The following KIN variants were observed in gnomAD, a reference collection of about 807,000 sequenced individuals.
KIN encodes DNA/RNA-binding protein KIN17.
A neutral mutation model predicts 63.0 loss-of-function variants in KIN; 47 were observed. The ratio of observed to expected loss-of-function variants is 0.75; its 90% confidence interval spans 0.59 to 0.95. The LOEUF is 0.95. Ranked by LOEUF, KIN falls within the 40% of genes least tolerant of loss-of-function variation. The probability of loss-of-function intolerance (pLI) is 0.00; values close to 1 mark genes in which losing one functional copy is unlikely to be tolerated. For synonymous variants in KIN, 160 were observed against 157.7 expected (o/e 1.01, Z -0.11); for missense variants, 408 against 460.9 (o/e 0.89, Z 1.05).
At chr10:7,757,736 A>AT (rs1564313249) in intron 12 of KIN, among the ~76,000 whole-genome samples, 7 of 152,006 alleles carry the variant, frequency 4.6e-5, no homozygotes, top group Non-Finnish European at 8.8e-5. Context: ...CCTAGGTTAG[A>AT]TTTTTCATTA....
chr10:7,780,580 G>A (rs956810274), intron 2 of KIN, among the ~76,000 whole-genome samples: 8 of 152,106 alleles, frequency 5.3e-5, no homozygotes, highest in East Asian at 1.9e-4. Flanking sequence ...CGTATTTTTC[G>A]TAGGGATGGG....
chr10:7,762,502 G>C lies in KIN; in HGVS notation c.973C>G (p.Leu325Val), dbSNP rs1336417828. 1 of 1,612,468 alleles carries C rather than the reference G, an allele frequency of 6.2e-7. No individual in the cohort carries two copies. The highest frequency in any genetic ancestry group is 2.2e-5 in the East Asian group (1 of 44,848). Residue 325 changes from leucine to valine, a missense_variant, in exon 11 of 13, where the codon CTG (leucine) becomes GTG (valine). Around this residue, in one of 2 missense-constraint regions of KIN, gnomAD observed 298 missense variants for 296.0 expected, o/e 1.01. Coordinates refer to ENST00000379562, the MANE Select transcript of KIN (RefSeq NM_012311.4). ...TCTAAATGAGTCTGGTCAAGTTTCA[G>C]CTTGTCTCCAGAATCAATCATCTTC... is the stretch of plus-strand genomic sequence containing the variant. ...VVKMIDSGDKLKLDQTHLETV... is the reference protein window; with the variant it reads ...VVKMIDSGDKVKLDQTHLETV...
chr10:7,776,653 C>A (rs1402913874), intron 5 of KIN, among the ~76,000 whole-genome samples: 1 of 150,648 alleles, frequency 6.6e-6, no homozygotes, highest in South Asian at 2.1e-4. Flanking sequence ...ATTGCTTGAA[C>A]CTGGGAGGCG....
At chr10:7,756,305 T>A (rs1440205635) in intron 12 of KIN, among the ~76,000 whole-genome samples, 163 bp from the exon 13 acceptor site, 1 of 152,240 alleles carries the variant, frequency 6.6e-6, no homozygotes, top group East Asian at 1.9e-4. Context: ...GAATAATCTA[T>A]GGCATTCTCA....
At chr10:7,761,754 C>A (rs371323504) in intron 11 of KIN, among the ~76,000 whole-genome samples, 233 of 152,242 alleles carry the variant, frequency 1.5e-3, no homozygotes, top group African/African-American at 5.4e-3. Flanking sequence ...GTAATTCCAG[C>A]CCTTTGGGAG....
At chr10:7,760,551 C>G (rs1835418101) in intron 11 of KIN, among the ~76,000 whole-genome samples, 1 of 152,116 alleles carries the variant, frequency 6.6e-6, no homozygotes, top group Non-Finnish European at 1.5e-5. Flanking sequence ...CAGTAGTCCC[C>G]CCTTATCCCA....
At chr10:7,773,071 G>C (rs1325399877) in intron 7 of KIN, among the ~76,000 whole-genome samples, 1 of 152,188 alleles carries the variant, frequency 6.6e-6, no homozygotes. Context: ...AGAGACATTT[G>C]AAGATGCTCG....
intron 4 of KIN, 141 bp from the exon 5 acceptor site, chr10:7,779,160 C>T: frequency 1.1e-6 from 1 of 947,606 alleles, no homozygotes; most frequent in Non-Finnish European, 1.5e-6. Context: ...GTAATCTCAG[C>T]ACTTTAGGAG....
rs534704141 is a variant in KIN, at chr10:7,769,840, G to A, written c.669-495C>T. On this transcript the variant is annotated intron_variant, in intron 7 of 12. Coordinates refer to ENST00000379562, the MANE Select transcript of KIN (RefSeq NM_012311.4). ...TTTTCAAATGACCGGTTTAAGTCTA[G>A]CACGTTACTCTCAGTTCTGGTTTTG... Among the ~76,000 whole-genome samples the A allele has an allele frequency of 5.4e-4, 82 of 152,288 alleles. 1 individual carries two copies. Among genetic ancestry groups the A allele is most frequent in the African/African-American group, 2.0e-3 (82 of 41,552 alleles).
intron 7 of KIN, among the ~76,000 whole-genome samples, chr10:7,771,801 A>C (rs144845057): frequency 0.01 from 1,588 of 151,808 alleles, 23 homozygotes; most frequent in African/African-American, 0.037. Flanking sequence ...AGGCCGAGGC[A>C]GGAGAATCGC....
At chr10:7,786,960 G>C (rs1169116299) in intron 1 of KIN, among the ~76,000 whole-genome samples, 2 of 152,140 alleles carry the variant, frequency 1.3e-5, no homozygotes, top group Non-Finnish European at 2.9e-5. Context: ...TTGCCTCAGT[G>C]TTCTTCCACC....
chr10:7,783,496 C>T (rs569599881), intron 1 of KIN, among the ~76,000 whole-genome samples: 55 of 152,304 alleles, frequency 3.6e-4, no homozygotes, highest in Admixed American at 2.0e-3. Flanking sequence ...AATCAATTCT[C>T]ATTGAGCACA....
At chr10:7,781,296 T>C (rs1027079309) in intron 2 of KIN, among the ~76,000 whole-genome samples, 2 of 152,086 alleles carry the variant, frequency 1.3e-5, no homozygotes, top group African/African-American at 2.4e-5. Context: ...CTAATTTGAC[T>C]AAAATTTATG....
At chr10:7,782,651 C>T (rs895957048) in intron 2 of KIN, among the ~76,000 whole-genome samples, 3 of 152,116 alleles carry the variant, frequency 2.0e-5, no homozygotes, top group Admixed American at 2.0e-4. Context: ...CCCGCCTCAG[C>T]CTCCCAAAGT....
In KIN at chr10:7,753,253, G is replaced by A. The variant is rs371341290; in HGVS notation, c.*2827C>T. The A allele has an allele frequency of 6.6e-6, 1 of 152,302 alleles. No individual in the cohort carries two copies. Among genetic ancestry groups the A allele is most frequent in the Non-Finnish European group, 1.5e-5 (1 of 68,024 alleles). The allele number at this position is 152,302 out of a possible 1,614,324, so 9.4% of individuals were successfully genotyped here. On this transcript the variant is annotated 3_prime_UTR_variant, in exon 13 of 13. Coordinates refer to ENST00000379562, the MANE Select transcript of KIN (RefSeq NM_012311.4). ...TTTTATTGAATTTAACCTCAAGTAT[G>A]CTGCCTCATTTCATTCTGAAATAAT... is the stretch of plus-strand genomic sequence containing the variant.
At position 7,753,333 on chromosome 10, in the gene KIN, T is replaced by C. The variant is rs1002355712; in HGVS notation, c.*2747A>G. On this transcript the variant is annotated 3_prime_UTR_variant, in exon 13 of 13. Coordinates refer to ENST00000379562, the MANE Select transcript of KIN (RefSeq NM_012311.4). ...GGAGGCAGACATGAAACATTTTTTC[T>C]CTGAAGAAAACCACCAAGTTGATTC... 1 of 152,260 alleles carries C rather than the reference T, an allele frequency of 6.6e-6. No homozygotes were observed. The highest frequency in any genetic ancestry group is 1.5e-5 in the Non-Finnish European group (1 of 68,044). The allele number at this position is 152,260 out of a possible 1,614,324, so 9.4% of individuals were successfully genotyped here.
At chr10:7,763,501 C>G (rs960474241) in intron 10 of KIN, among the ~76,000 whole-genome samples, 4 of 152,198 alleles carry the variant, frequency 2.6e-5, no homozygotes, top group African/African-American at 9.7e-5. Flanking sequence ...TACATACTAT[C>G]TGTCCTAGTA....
chr10:7,766,238 G>T, intron 8 of KIN, 135 bp from the exon 9 acceptor site: 1 of 535,402 alleles, frequency 1.9e-6, no homozygotes, highest in Non-Finnish European at 3.3e-6. Flanking sequence ...CATAATTTGC[G>T]AGCTCTGATA....
chr10:7,787,971 C>T lies in KIN; in HGVS notation c.-38G>A. ...AGCGATCACTTTCTGGACCCCAGTA[C>T]TCAGCCAGCCGGAAACGGAACCGGG... On this transcript the variant is annotated 5_prime_UTR_variant, in exon 1 of 13. Coordinates refer to ENST00000379562, the MANE Select transcript of KIN (RefSeq NM_012311.4). 2 of 1,511,644 alleles carry T rather than the reference C, an allele frequency of 1.3e-6. No individual in the cohort carries two copies. The highest frequency in any genetic ancestry group is 1.8e-6 in the Non-Finnish European group (2 of 1,086,744). 93.6% of individuals were successfully genotyped at this position (1,511,644 alleles called of 1,614,324 possible).
Sources: allele counts gnomAD v4.1 joint callset (sites outside exome capture counted in the v4.1 genomes callset), GRCh38; gene constraint gnomAD v4.1.1; regional missense constraint gnomAD v4.1.1; transcripts MANE v1.5; gene names NCBI Gene and HGNC (gene_info 2026-07-23, HGNC 2026-07-21).